CGN: variants seen among roughly 807,000 people sequenced by gnomAD.
CGN encodes cingulin.
A neutral mutation model predicts 157.1 loss-of-function variants in CGN; 121 were observed. The ratio of observed to expected loss-of-function variants is 0.77; its 90% CI spans 0.66 to 0.90. The LOEUF is 0.90. Ranked by LOEUF, CGN falls within the 40% of genes least tolerant of loss-of-function variation. The pLI is 0.00. For synonymous variants in CGN, 535 were observed against 607.5 expected (o/e 0.88, Z 1.76); for missense variants, 1,424 against 1,520.9 (o/e 0.94, Z 1.06).
At chr1:151,527,388 A>C (rs1030256347) in intron 10 of CGN, among the ~76,000 whole-genome samples, 2 of 152,226 alleles carry the variant, frequency 1.3e-5, no homozygotes, top group Non-Finnish European at 2.9e-5. Flanking sequence ...ATTTAGGTGG[A>C]TTTGTGAAAC....
Position 151,525,802 on chromosome 1 carries a change from G to A in CGN, c.1763+12G>A. The stretch of plus-strand genomic sequence containing the variant: ...GCCACCAAGCAGGAGTAAGGACATT[G>A]GCCCTCTCAGAAATACCCATGATTC... On this transcript the variant is annotated intron_variant, in intron 9 of 20. Transcript: ENST00000271636. 1.3e-6 allele frequency: 2 copies of A among 1,518,122 alleles called. No homozygotes were observed. Among genetic ancestry groups the A allele is most frequent in the Non-Finnish European group, 1.8e-6 (2 of 1,132,716 alleles). 94.0% of individuals were successfully genotyped at this position (1,518,122 alleles called of 1,614,324 possible).
At chr1:151,530,161 A>G in intron 12 of CGN, 46 bp downstream of exon 12, 1 of 1,563,002 alleles carries the variant, frequency 6.4e-7, no homozygotes, top group Non-Finnish European at 8.7e-7. Context: ...GCCCTGGTGA[A>G]ATACTCCTAT....
chr1:151,529,199 G>C, intron 10 of CGN, 151 bp from the exon 11 acceptor site: 1 of 635,134 alleles, frequency 1.6e-6, no homozygotes, highest in Non-Finnish European at 2.7e-6. Context: ...GTAAATCTGT[G>C]TTTAACTTTT....
rs1056334062 is a variant in CGN, at chr1:151,536,082, C to T, written c.3198-155C>T. On this transcript the variant is annotated intron_variant, in intron 18 of 20. Transcript: ENST00000271636. ...TGCAGAAATTCTGAAATGTGAATGA[C>T]GTCACTCTCCCTCATTCTTTGAATC... The T allele has an allele frequency of 1.6e-4, 111 of 705,540 alleles. No individual in the cohort carries two copies. The East Asian group carries it at 2.3e-3, about 14-fold the overall frequency. The allele number at this position is 705,540 out of a possible 1,614,324, so 43.7% of individuals were successfully genotyped here.
chr1:151,534,939 G>A, intron 15 of CGN, 103 bp from the exon 16 acceptor site: 1 of 799,532 alleles, frequency 1.3e-6, no homozygotes, highest in Non-Finnish European at 2.1e-6. Context: ...GGATGTGCAA[G>A]AGAGAAAAGT....
At chr1:151,510,865 G>A (rs1664265459), upstream of CGN, 2 of 152,234 alleles carry the variant, frequency 1.3e-5, no homozygotes, top group Admixed American at 1.3e-4. Flanking sequence ...CAAGATAAAA[G>A]AGAATCCAAG....
Position 151,525,625 on chromosome 1 carries a change from A to C in CGN, c.1615-17A>C, listed in dbSNP as rs1341500449. On this transcript the variant is annotated splice_polypyrimidine_tract_variant and intron_variant, in intron 8 of 20. Coordinates refer to ENST00000271636, the MANE Select transcript of CGN (RefSeq NM_020770.3). ...TTCCCTCTGAGCCTTCTGGTGTCCA[A>C]CTCTCCCCTTCTCTAGGACCATGCA... 12 of 1,546,626 alleles carry C rather than the reference A, an allele frequency of 7.8e-6. No homozygotes were observed. The highest frequency in any genetic ancestry group is 1.8e-4 in the Middle Eastern group (1 of 5,476).
chr1:151,523,365 CATT>C, intron 5 of CGN, 66 bp from the exon 6 acceptor site: 1 of 1,455,386 alleles, frequency 6.9e-7, no homozygotes, highest in South Asian at 1.3e-5. Context: ...TAGACATTCC[CATT>C]ATTCTGAGTC....
chr1:151,520,583 A>G lies in CGN; in HGVS notation c.1045-13A>G, dbSNP rs1430401768. On this transcript the variant is annotated splice_polypyrimidine_tract_variant and intron_variant, in intron 4 of 20. Transcript: ENST00000271636. Reference sequence around the variant, plus strand: ...CTCACTCCCTTCCCCCACACCCCCCATATCTCTGGCAGATGGTTTCTTCTG... The same window carrying G: ...CTCACTCCCTTCCCCCACACCCCCCGTATCTCTGGCAGATGGTTTCTTCTG... The G allele has an allele frequency of 6.2e-7, 1 of 1,614,010 alleles. No individual in the cohort carries two copies.
intron 15 of CGN, 112 bp from the exon 16 acceptor site, chr1:151,534,930 G>A: frequency 1.4e-6 from 1 of 737,746 alleles, no homozygotes; most frequent in Non-Finnish European, 2.3e-6. Flanking sequence ...AGGTTACTGG[G>A]ATGTGCAAGA....
rs748631739 is a variant in CGN, at chr1:151,529,332, A to C, written c.1897-18A>C. ...GTCTGGCTCTGGGTGCCCCATCACCATTCCCGTTTCCTTCCAGGAGCTGCT... is the reference window on the plus strand; with the variant it reads ...GTCTGGCTCTGGGTGCCCCATCACCCTTCCCGTTTCCTTCCAGGAGCTGCT... On this transcript the variant is annotated intron_variant, in intron 10 of 20. Coordinates refer to ENST00000271636, the MANE Select transcript of CGN (RefSeq NM_020770.3). 1.2e-6 allele frequency: 2 copies of C among 1,609,928 alleles called. No individual in the cohort carries two copies. Among genetic ancestry groups the C allele is most frequent in the African/African-American group, 1.3e-5 (1 of 74,926 alleles).
At chr1:151,513,983 C>T (rs906419876) in intron 1 of CGN, among the ~76,000 whole-genome samples, 14 of 152,364 alleles carry the variant, frequency 9.2e-5, no homozygotes, top group Middle Eastern at 6.8e-3. Flanking sequence ...CCCTTGATCA[C>T]TGTTTACCTG....
chr1:151,526,828 T>G (rs1664691618), intron 9 of CGN, 147 bp from the exon 10 acceptor site: 2 of 837,104 alleles, frequency 2.4e-6, no homozygotes, highest in Non-Finnish European at 3.7e-6. Context: ...AAACTGCTCT[T>G]TTCCACGTTC....
At position 151,536,250 on chromosome 1, in the gene CGN, C is replaced by T. The variant is rs1383656430; in HGVS notation, c.3211C>T (p.Leu1071=). The change falls in exon 19 of 21, where the codon CTG becomes TTG. Residue 1071 remains leucine (L), a synonymous_variant. Coordinates refer to ENST00000271636, the MANE Select transcript of CGN (RefSeq NM_020770.3). ...LQAEEREKTV[L]QSTNRKLERK... is the part of the protein sequence containing the mutation. Reference sequence around the variant, plus strand: ...ACCTCACCTTAGGGAGAAGACAGTTCTGCAGTCTACCAATCGAAAACTGGA... The same window carrying T: ...ACCTCACCTTAGGGAGAAGACAGTTTTGCAGTCTACCAATCGAAAACTGGA... 1 of 1,601,916 alleles carries T rather than the reference C, an allele frequency of 6.2e-7. No homozygotes were observed. The highest frequency in any genetic ancestry group is 1.1e-5 in the South Asian group (1 of 90,784).
chr1:151,510,893 G>T (rs1664266005), upstream of CGN: 1 of 152,250 alleles, frequency 6.6e-6, no homozygotes, highest in African/African-American at 2.4e-5. Flanking sequence ...TTCTGGTTCG[G>T]GTCAGGGAAA....
In CGN at chr1:151,511,980, C is replaced by T. The variant is rs1305467160; in HGVS notation, c.-15+465C>T. Among the ~76,000 whole-genome samples, 1 of 152,108 alleles carries T rather than the reference C, an allele frequency of 6.6e-6. No individual in the cohort carries two copies. The highest frequency in any genetic ancestry group is 1.5e-5 in the Non-Finnish European group (1 of 68,016). Reference sequence around the variant, plus strand: ...CCTGCGTCCTGCGGTCTCAGCTGGCCGTTGTCAGCACCCTGGTGGCTTTGA... The same window carrying T: ...CCTGCGTCCTGCGGTCTCAGCTGGCTGTTGTCAGCACCCTGGTGGCTTTGA... On this transcript the variant is annotated intron_variant, in intron 1 of 20. Coordinates refer to ENST00000271636, the MANE Select transcript of CGN (RefSeq NM_020770.3). This position sits in a 1 kb window ranked among gnomAD's most constrained non-coding sequence, Gnocchi z 4.8.
In CGN at chr1:151,536,844, G is replaced by A. The variant is rs773396131; in HGVS notation, c.3421G>A (p.Val1141Ile). 5.0e-6 allele frequency: 8 copies of A among 1,614,044 alleles called. No homozygotes were observed. The East Asian group carries it at 1.8e-4, about 36-fold the overall frequency. Reference sequence around the variant, plus strand: ...GCGTGAGGTGGAGGAGCAGCATGAGGTCAATGAACAGCTCCAGGCCCGGAT... The same window carrying A: ...GCGTGAGGTGGAGGAGCAGCATGAGATCAATGAACAGCTCCAGGCCCGGAT... Reference protein sequence around the residue: ...AQREVEEQHEVNEQLQARIKS... With the variant: ...AQREVEEQHEINEQLQARIKS... The change falls in exon 20 of 21, where the codon GTC becomes ATC. Residue 1141 changes from valine (V) to isoleucine (I), a missense_variant. Val to Ile is a conservative substitution (Grantham distance 29, BLOSUM62 3). Coordinates refer to ENST00000271636, the MANE Select transcript of CGN (RefSeq NM_020770.3).
In CGN at chr1:151,524,726, G is replaced by C. The variant is rs12038198; in HGVS notation, c.1454G>C (p.Arg485Pro). ...LLEEVLEGKQ[R>P]VEEQLRLRER... ...GAAGAGGTCTTGGAGGGGAAACAGC[G>C]AGTAGAGGAGCAGCTGAGGCTGCGG... Residue 485 changes from arginine to proline, a missense_variant, in exon 8 of 21, where the codon CGA becomes CCA. By Grantham distance (103) the Arg-to-Pro change is moderately radical (BLOSUM62 -2). Transcript: ENST00000271636. This position sits in a 1 kb window ranked among gnomAD's most constrained non-coding sequence, Gnocchi z 4.4. 1.2e-6 allele frequency: 2 copies of C among 1,609,714 alleles called. No homozygotes were observed. Among genetic ancestry groups the C allele is most frequent in the Non-Finnish European group, 1.7e-6 (2 of 1,179,280 alleles).
In CGN at chr1:151,529,464, G is replaced by C. The variant is rs765858880; in HGVS notation, c.2011G>C (p.Val671Leu). The C allele has an allele frequency of 1.9e-5, 31 of 1,613,778 alleles. No individual in the cohort carries two copies. In the South Asian group the frequency reaches 3.1e-4, roughly 16 times the overall value. ...GGAGAAGCAGCTGGCGGTCCTGAGG[G>C]TCGAGGCTGATCGAGGTCGGGAGCT... is the stretch of plus-strand genomic sequence containing the variant. The part of the protein sequence containing the change: ...ELEKQLAVLR[V>L]EADRGRELEE... The change falls in exon 11 of 21, where the codon GTC becomes CTC. Residue 671 changes from valine to leucine, a missense_variant. By Grantham distance (32) the Val-to-Leu change is conservative. Around this residue, in one of 3 missense-constraint regions of CGN, gnomAD observed 1,187 missense variants for 1,217.6 expected, o/e 0.97. Coordinates refer to ENST00000271636, the MANE Select transcript of CGN (RefSeq NM_020770.3).
Sources: gnomAD v4.1 joint callset for allele counts (sites outside exome capture counted in the v4.1 genomes callset) on GRCh38, gnomAD v4.1.1 for gene constraint, gnomAD v4.1.1 regional missense constraint, Gnocchi (gnomAD v3.1) non-coding constraint, MANE v1.5 for transcripts, NCBI Gene and HGNC (gene_info 2026-07-23, HGNC 2026-07-21) for gene names.